The following AGAP1 variants were observed in gnomAD, a reference collection of about 807,000 sequenced individuals.
The protein encoded by AGAP1 is ArfGAP with GTPase domain, ankyrin repeat and PH domain 1.
In AGAP1, 29 loss-of-function variants were observed where a neutral mutation model predicts 105.3. That is an observed-to-expected ratio of 0.28 (90% CI 0.21 to 0.38). AGAP1 has a LOEUF of 0.38. AGAP1 is among the 10% of genes least tolerant of loss of function. The pLI is 1.00. For synonymous variants in AGAP1, 509 were observed against 485.9 expected, an observed-to-expected ratio of 1.05 and a Z score of -0.63; for missense variants, 998 against 1,165.1, an observed-to-expected ratio of 0.86 and a Z score of 2.09.
At chr2:236,059,281 A>C (rs1209849846) in intron 16 of AGAP1, among the ~76,000 whole-genome samples, 1 of 152,234 alleles carries the variant, frequency 6.6e-6, no homozygotes, top group Non-Finnish European at 1.5e-5. Context: ...TTAGAAATAA[A>C]TTACCTGTAC....
In AGAP1 at chr2:236,049,681, C is replaced by CG. The variant is rs373079238; in HGVS notation, c.2114+401dup. 3.2e-5 allele frequency: 5 copies of CG among 155,618 alleles called. No homozygotes were observed. In the East Asian group the frequency reaches 9.6e-4, roughly 30 times the overall value. 9.6% of individuals were successfully genotyped at this position (155,618 alleles called of 1,614,324 possible). Reference sequence around the variant, plus strand: ...GCATCTGCTCTGTCGATCCCCCCCCCGCACCATCACACAAAAGTTATTTTT... The same window carrying CG: ...GCATCTGCTCTGTCGATCCCCCCCCCGGCACCATCACACAAAAGTTATTTTT... On this transcript the variant is annotated intron_variant, in intron 16 of 17. Coordinates refer to ENST00000304032, the MANE Select transcript of AGAP1 (RefSeq NM_001037131.3).
In AGAP1 at chr2:236,083,808, G is replaced by T. The variant is rs2058850049; in HGVS notation, c.2114+34527G>T. On this transcript the variant is annotated intron_variant, in intron 16 of 17. Coordinates refer to ENST00000304032, the MANE Select transcript of AGAP1 (RefSeq NM_001037131.3). This position sits in a 1 kb window ranked among gnomAD's most constrained non-coding sequence, Gnocchi z 5.3. ...GCCACAATAAACCATCGCAGAGCAA[G>T]GAGTGCCTCTTCTGAGATCCCATTC... Among the ~76,000 whole-genome samples, 1 of 152,136 alleles carries T rather than the reference G, an allele frequency of 6.6e-6. No homozygotes were observed. Among genetic ancestry groups the T allele is most frequent in the Admixed American group, 6.5e-5 (1 of 15,270 alleles).
Position 235,879,838 on chromosome 2 carries a change from G to A in AGAP1, c.1051-3507G>A, listed in dbSNP as rs772292746. ...TCCTAGCTACTCGGAGGAGGCTGGC[G>A]CAGGAGAATTGCTTGAGCTGGAAAG... is the stretch of plus-strand genomic sequence containing the variant. On this transcript the variant is annotated intron_variant, in intron 9 of 17. Transcript: ENST00000304032. The surrounding 1 kb of genome is among the most constrained non-coding windows in gnomAD (Gnocchi z 5.0). Among the ~76,000 whole-genome samples the A allele has an allele frequency of 5.3e-5, 8 of 152,268 alleles. No individual in the cohort carries two copies. Among genetic ancestry groups the A allele is most frequent in the Admixed American group, 1.3e-4 (2 of 15,304 alleles).
At position 236,044,430 on chromosome 2, in the gene AGAP1, T is replaced by G. The variant is rs1307664159; in HGVS notation, c.1891+3589T>G. Among the ~76,000 whole-genome samples the G allele has an allele frequency of 2.0e-5, 3 of 152,124 alleles. No individual in the cohort carries two copies. Among genetic ancestry groups the G allele is most frequent in the Non-Finnish European group, 4.4e-5 (3 of 68,028 alleles). The stretch of plus-strand genomic sequence containing the variant: ...AGGCAGCTCACCGTTTCTGCTGCTT[T>G]CTCTCTGCCCATCCATGTCGCCCAT... On this transcript the variant is annotated intron_variant, in intron 15 of 17. Coordinates refer to ENST00000304032, the MANE Select transcript of AGAP1 (RefSeq NM_001037131.3). The surrounding 1 kb of genome is among the most constrained non-coding windows in gnomAD (Gnocchi z 5.7).
At chr2:235,920,414 C>T (rs536866516) in intron 11 of AGAP1, among the ~76,000 whole-genome samples, 9 of 152,298 alleles carry the variant, frequency 5.9e-5, no homozygotes, top group East Asian at 3.9e-4. Flanking sequence ...GTCCTTCATC[C>T]GCTGCATGCG....
intron 1 of AGAP1, among the ~76,000 whole-genome samples, chr2:235,683,683 T>C (rs1001841037): frequency 6.6e-6 from 1 of 151,642 alleles, no homozygotes; most frequent in Non-Finnish European, 1.5e-5. Context: ...GCCTTGTTTT[T>C]TCTTTCTCTC....
intron 9 of AGAP1, among the ~76,000 whole-genome samples, chr2:235,881,039 C>T (rs776930794): frequency 3.3e-5 from 5 of 152,174 alleles, no homozygotes; most frequent in Non-Finnish European, 7.3e-5. Flanking sequence ...CATTTTGCCA[C>T]GTTTCCGTTA....
intron 1 of AGAP1, among the ~76,000 whole-genome samples, chr2:235,528,250 C>CACG (rs1942917486): frequency 6.6e-6 from 1 of 151,900 alleles, no homozygotes; most frequent in South Asian, 2.1e-4. Context: ...GGAACCTGGC[C>CACG]ACGTGGTTGG....
rs1426084940 is a variant in AGAP1, at chr2:235,830,325, T to C, written c.1050+22994T>C. Reference sequence around the variant, plus strand: ...AAAAGTCAGATGGAATTTGTCTTCATATTTTGCTCATGTCAGTGAGGAGAT... The same window carrying C: ...AAAAGTCAGATGGAATTTGTCTTCACATTTTGCTCATGTCAGTGAGGAGAT... On this transcript the variant is annotated intron_variant, in intron 9 of 17. Coordinates refer to ENST00000304032, the MANE Select transcript of AGAP1 (RefSeq NM_001037131.3). This position sits in a 1 kb window ranked among gnomAD's most constrained non-coding sequence, Gnocchi z 5.5. Among the ~76,000 whole-genome samples, 1 of 152,228 alleles carries C rather than the reference T, an allele frequency of 6.6e-6. No individual in the cohort carries two copies. The highest frequency in any genetic ancestry group is 6.5e-5 in the Admixed American group (1 of 15,288).
chr2:235,850,149 G>A (rs942970324), intron 9 of AGAP1, among the ~76,000 whole-genome samples: 2 of 152,182 alleles, frequency 1.3e-5, no homozygotes, highest in Non-Finnish European at 2.9e-5. Flanking sequence ...CCGGCAAACC[G>A]TGGGTTAGTA....
intron 12 of AGAP1, among the ~76,000 whole-genome samples, chr2:235,943,991 C>G (rs1329545516): frequency 6.6e-6 from 1 of 152,108 alleles, no homozygotes; most frequent in Non-Finnish European, 1.5e-5. Context: ...TTATATCACA[C>G]AGAAGCAGAT....
intron 13 of AGAP1, among the ~76,000 whole-genome samples, chr2:236,018,231 AG>A (rs2056772268): frequency 6.6e-6 from 1 of 152,252 alleles, no homozygotes; most frequent in Admixed American, 6.5e-5. Context: ...TGTGAATGGA[AG>A]GGTGTCTTAA....
intron 1 of AGAP1, among the ~76,000 whole-genome samples, chr2:235,603,765 C>T (rs1240951260): frequency 1.3e-5 from 2 of 152,152 alleles, no homozygotes; most frequent in African/African-American, 4.8e-5. Flanking sequence ...ATTTTCTCCT[C>T]TCATATCTGT....
chr2:235,959,817 C>G lies in AGAP1; in HGVS notation c.1484-8645C>G, dbSNP rs1210669195. ...AAAGCTGTGCCACTTTCCCCACTGG[C>G]TGCCTGTCCGCTCCTGCCAAACCTG... is the stretch of plus-strand genomic sequence containing the variant. On this transcript the variant is annotated intron_variant, in intron 12 of 17. Coordinates refer to ENST00000304032, the MANE Select transcript of AGAP1 (RefSeq NM_001037131.3). The surrounding 1 kb of genome is among the most constrained non-coding windows in gnomAD (Gnocchi z 7.3). Among the ~76,000 whole-genome samples the G allele has an allele frequency of 6.6e-6, 1 of 152,178 alleles. No homozygotes were observed. The highest frequency in any genetic ancestry group is 1.5e-5 in the Non-Finnish European group (1 of 68,028).
rs886779167 is a variant in AGAP1, at chr2:235,793,498, A to G, written c.674-4261A>G. On this transcript the variant is annotated intron_variant, in intron 6 of 17. Coordinates refer to ENST00000304032, the MANE Select transcript of AGAP1 (RefSeq NM_001037131.3). The surrounding 1 kb of genome is among the most constrained non-coding windows in gnomAD (Gnocchi z 5.3). Reference sequence around the variant, plus strand: ...TGCTGGCAGGGTGTTCGATTGCCACATGGTGGTGTCATGAGCAGTCCCAGA... The same window carrying G: ...TGCTGGCAGGGTGTTCGATTGCCACGTGGTGGTGTCATGAGCAGTCCCAGA... Among the ~76,000 whole-genome samples, 5 of 152,196 alleles carry G rather than the reference A, an allele frequency of 3.3e-5. No individual in the cohort carries two copies. Among genetic ancestry groups the G allele is most frequent in the Non-Finnish European group, 5.9e-5 (4 of 68,036 alleles).
intron 6 of AGAP1, chr2:235,774,541 C>T (rs1031012554): frequency 2.2e-5 from 7 of 321,504 alleles, no homozygotes; most frequent in African/African-American, 8.9e-5. Flanking sequence ...GATAGGAAAG[C>T]GATCAAGGAC....
chr2:235,503,659 A>G (rs1443735062), intron 1 of AGAP1, among the ~76,000 whole-genome samples: 2 of 152,284 alleles, frequency 1.3e-5, no homozygotes, highest in Admixed American at 6.5e-5. Context: ...CAGTGGCACT[A>G]TTGGGGCTCA....
intron 8 of AGAP1, among the ~76,000 whole-genome samples, chr2:235,803,051 G>GAT: frequency 2.8e-4 from 1 of 3,590 alleles, no homozygotes; most frequent in African/African-American, 6.2e-4. Flanking sequence ...TGATGGTTGT[G>GAT]GTGATGGTGG....
In AGAP1 at chr2:235,578,800, A is replaced by ATTT. The variant is rs58489076; in HGVS notation, c.163+83959_163+83961dup. Among the ~76,000 whole-genome samples the ATTT allele has an allele frequency of 5.4e-3, 751 of 139,700 alleles. 8 individuals are homozygous for ATTT. The highest frequency in any genetic ancestry group is 7.1e-3 in the African/African-American group (258 of 36,156). The allele number at this position is 139,700 out of a possible 152,430, so 91.6% of individuals were successfully genotyped here. On this transcript the variant is annotated intron_variant, in intron 1 of 17. Coordinates refer to ENST00000304032, the MANE Select transcript of AGAP1 (RefSeq NM_001037131.3). The surrounding 1 kb of genome is among the most constrained non-coding windows in gnomAD (Gnocchi z 4.9). ...ACTCAGTCTCAAAAAAAAAAAAAAA[A>ATTT]TTTTTTTTTTACAATAAGCTATTTA...
Sources: allele counts gnomAD v4.1 joint callset (sites outside exome capture counted in the v4.1 genomes callset), GRCh38; gene constraint gnomAD v4.1.1; non-coding constraint Gnocchi (gnomAD v3.1); transcripts MANE v1.5; gene names NCBI Gene and HGNC (gene_info 2026-07-23, HGNC 2026-07-21).